The following GABPB2 variants were observed in gnomAD, a reference collection of about 807,000 sequenced individuals.
GABPB2 encodes GA-binding protein subunit beta-2.
A neutral mutation model predicts 39.1 loss-of-function variants in GABPB2; 23 were observed. That is an observed-to-expected ratio of 0.59 (90% CI 0.42 to 0.83). GABPB2 has a LOEUF of 0.83. Ranked by LOEUF, GABPB2 falls within the 40% of genes least tolerant of loss-of-function variation. The pLI, the probability that GABPB2 is intolerant of heterozygous loss-of-function variation, is 0.00. For synonymous variants in GABPB2, 184 were observed against 199.3 expected, an observed-to-expected ratio of 0.92 and a Z score of 0.65; for missense variants, 467 against 541.1, an observed-to-expected ratio of 0.86 and a Z score of 1.36.
In GABPB2 at chr1:151,112,241, A is replaced by AAC. The variant is rs1553267792; in HGVS notation, c.922+5020_922+5021insCA. The AAC allele has an allele frequency of 2.6e-5, 4 of 151,444 alleles. 1 individual carries two copies. The highest frequency in any genetic ancestry group is 6.7e-3 in the Middle Eastern group (2 of 298). 9.4% of individuals were successfully genotyped at this position (151,444 alleles called of 1,614,324 possible). A position where few individuals can be genotyped will look rare whatever the true frequency, so the allele number is the denominator to read the frequency against. On this transcript the variant is annotated intron_variant, in intron 7 of 8. Coordinates refer to ENST00000368918, the MANE Select transcript of GABPB2 (RefSeq NM_144618.3). ...TCCATCTCAAAAAAAAAAAAAAAAA[A>AAC]AAAAAACCTATATCCTTCATGTACT... is the stretch of plus-strand genomic sequence containing the variant.
In GABPB2 at chr1:151,090,419, C is replaced by G. The variant is rs778081305; in HGVS notation, c.122C>G (p.Pro41Arg). The change falls in exon 3 of 9, where the codon CCC becomes CGC. Residue 41 changes from proline (P) to arginine (R), a missense_variant. By Grantham distance (103) the Pro-to-Arg change is moderately radical. Coordinates refer to ENST00000368918, the MANE Select transcript of GABPB2 (RefSeq NM_144618.3). ...ATTTTTCCACAGCTTGGAACATCACCCCTCCACCTTGCAGCTCAATATGGT... is the reference window on the plus strand; with the variant it reads ...ATTTTTCCACAGCTTGGAACATCACGCCTCCACCTTGCAGCTCAATATGGT... ...PFTTDWLGTSPLHLAAQYGHY... is the reference protein window; with the variant it reads ...PFTTDWLGTSRLHLAAQYGHY... The G allele has an allele frequency of 2.5e-5, 41 of 1,613,794 alleles. No homozygotes were observed. Among genetic ancestry groups the G allele is most frequent in the Non-Finnish European group, 3.1e-5 (37 of 1,179,930 alleles).
intron 6 of GABPB2, among the ~76,000 whole-genome samples, chr1:151,105,667 C>G (rs1465912424): frequency 6.6e-6 from 1 of 151,910 alleles, no homozygotes; most frequent in Non-Finnish European, 1.5e-5. Flanking sequence ...GTGCATGCCA[C>G]CACGCTCAAT....
chr1:151,100,938 T>C lies in GABPB2; in HGVS notation c.623-2624T>C, dbSNP rs1275190141. On this transcript the variant is annotated intron_variant, in intron 5 of 8. Transcript: ENST00000368918. ...GGAAAGAATATTTAAGCATAGGTAG[T>C]GGGAAAACTTAAAAATTAAGAGTAG... Among the ~76,000 whole-genome samples the C allele has an allele frequency of 3.3e-5, 5 of 151,932 alleles. No homozygotes were observed. The East Asian group carries it at 9.6e-4, about 29-fold the overall frequency.
At chr1:151,079,515 TG>T (rs1357131494) in intron 1 of GABPB2, among the ~76,000 whole-genome samples, 2 of 152,062 alleles carry the variant, frequency 1.3e-5, no homozygotes, top group African/African-American at 4.8e-5. Flanking sequence ...CACTCCAGCC[TG>T]GGAAACAGAG....
At chr1:151,107,782 A>G (rs900394549) in intron 7 of GABPB2, among the ~76,000 whole-genome samples, 6 of 152,060 alleles carry the variant, frequency 3.9e-5, no homozygotes, top group African/African-American at 1.4e-4. Context: ...CTAAAAATAC[A>G]AAAATTAGCC....
At chr1:151,101,447 G>A (rs746208993) in intron 5 of GABPB2, among the ~76,000 whole-genome samples, 33 of 151,600 alleles carry the variant, frequency 2.2e-4, no homozygotes, top group Non-Finnish European at 3.7e-4. Flanking sequence ...GGTGGTGCGC[G>A]CCTGTAGTCC....
intron 7 of GABPB2, chr1:151,111,964 C>T (rs964259855): frequency 1.3e-5 from 2 of 150,584 alleles, no homozygotes; most frequent in East Asian, 2.0e-4. Context: ...GTGGCTCACA[C>T]CTGTAATCCC....
chr1:151,111,096 C>T (rs768372923), intron 7 of GABPB2, among the ~76,000 whole-genome samples: 2 of 152,028 alleles, frequency 1.3e-5, no homozygotes, highest in South Asian at 2.1e-4. Flanking sequence ...CTTGCCAACA[C>T]GGTGAAACCC....
intron 1 of GABPB2, among the ~76,000 whole-genome samples, chr1:151,075,790 G>T (rs1168341114): frequency 6.6e-6 from 1 of 151,914 alleles, no homozygotes; most frequent in Non-Finnish European, 1.5e-5. Context: ...CAGCCCAGTA[G>T]GTCTCAGCCT....
At chr1:151,101,346 G>A (rs890304771) in intron 5 of GABPB2, among the ~76,000 whole-genome samples, 4 of 151,928 alleles carry the variant, frequency 2.6e-5, no homozygotes, top group African/African-American at 9.7e-5. Context: ...AGGCCGAGGT[G>A]GGCAGATCAC....
chr1:151,085,869 G>A (rs376544862), intron 1 of GABPB2, among the ~76,000 whole-genome samples: 97 of 152,270 alleles, frequency 6.4e-4, no homozygotes, highest in African/African-American at 2.2e-3. Context: ...GCTCATGCCT[G>A]TAATCCCAAC....
intron 4 of GABPB2, among the ~76,000 whole-genome samples, chr1:151,097,648 G>A (rs587681422): frequency 4.6e-5 from 7 of 152,102 alleles, no homozygotes; most frequent in East Asian, 3.9e-4. Flanking sequence ...GCGTGGTGGC[G>A]TGTGCCTGTA....
intron 8 of GABPB2, 57 bp downstream of exon 8, chr1:151,117,573 C>A (rs1680973160): frequency 1.9e-6 from 3 of 1,552,436 alleles, no homozygotes; most frequent in South Asian, 1.2e-5. Context: ...AAGGCCTGAA[C>A]CCTTCTTCAT....
rs1207190729 is a variant in GABPB2, at chr1:151,117,378, C to T, written c.923-14C>T. The T allele has an allele frequency of 6.2e-7, 1 of 1,612,046 alleles. No individual in the cohort carries two copies. Among genetic ancestry groups the T allele is most frequent in the East Asian group, 2.2e-5 (1 of 44,858 alleles). On this transcript the variant is annotated splice_polypyrimidine_tract_variant and intron_variant, in intron 7 of 8. Coordinates refer to ENST00000368918, the MANE Select transcript of GABPB2 (RefSeq NM_144618.3). ...TGCATTCATCACCTCCAATTGGTGTCCTTTGACTTGTAGTTCTAACTGTAC... is the reference window on the plus strand; with the variant it reads ...TGCATTCATCACCTCCAATTGGTGTTCTTTGACTTGTAGTTCTAACTGTAC...
rs146084612 is a variant in GABPB2 at position 151,117,427 on chromosome 1, A to G, written c.958A>G (p.Thr320Ala). ...ACCTGCTGGTAAGGTTGCAGAGGAG[A>G]CTGTAATTAAAGAGGAAGAAGAAGA... ...TVPAGKVAEE[T>A]VIKEEEEEKL... The change falls in exon 8 of 9, where the codon ACT (threonine) becomes GCT (alanine). Residue 320 changes from threonine to alanine, a missense_variant. Transcript: ENST00000368918. 1 of 1,613,750 alleles carries G rather than the reference A, an allele frequency of 6.2e-7. No individual in the cohort carries two copies. The highest frequency in any genetic ancestry group is 8.5e-7 in the Non-Finnish European group (1 of 1,179,710).
rs1226404736 is a variant in GABPB2, at chr1:151,084,311, C to T, written c.1-3879C>T. The stretch of plus-strand genomic sequence containing the variant: ...GGGATCTCGGCTCACCGCAACCTCC[C>T]TCCCGGTTCAAGTGATTCTCCTGCC... On this transcript the variant is annotated intron_variant, in intron 1 of 8. Coordinates refer to ENST00000368918, the MANE Select transcript of GABPB2 (RefSeq NM_144618.3). 2.0e-5 allele frequency among the ~76,000 whole-genome samples: 3 copies of T among 151,322 alleles called. No individual in the cohort carries two copies. The East Asian group carries it at 5.9e-4, about 30-fold the overall frequency.
Position 151,074,588 on chromosome 1 carries a change from G to A in GABPB2, c.-1+3654G>A, listed in dbSNP as rs1677011694. ...CCCTCCTCAGCCTCCCAAAGTGCTG[G>A]GATTACAGGCGTGAGCCACCGCACC... is the stretch of plus-strand genomic sequence containing the variant. On this transcript the variant is annotated intron_variant, in intron 1 of 8. Transcript: ENST00000368918. Among the ~76,000 whole-genome samples the A allele has an allele frequency of 3.3e-5, 5 of 151,634 alleles. No homozygotes were observed. The South Asian group carries it at 1.0e-3, about 31-fold the overall frequency.
At chr1:151,117,867 A>G in intron 8 of GABPB2, 90 bp from the exon 9 acceptor site, 1 of 1,249,324 alleles carries the variant, frequency 8.0e-7, no homozygotes. Context: ...TATAGGTGTG[A>G]GGCACCGCTC....
At chr1:151,084,471 C>T (rs1169238876) in intron 1 of GABPB2, among the ~76,000 whole-genome samples, 9 of 151,118 alleles carry the variant, frequency 6.0e-5, no homozygotes, top group Non-Finnish European at 1.2e-4. Context: ...GATGATCAGC[C>T]CGCCTTGACC....
Sources: gnomAD v4.1 joint callset for allele counts (sites outside exome capture counted in the v4.1 genomes callset) on GRCh38, gnomAD v4.1.1 for gene constraint, MANE v1.5 for transcripts, NCBI Gene and HGNC (gene_info 2026-07-23, HGNC 2026-07-21) for gene names.